The following ANKRD6 variants were observed in gnomAD, a reference collection of about 807,000 sequenced individuals.
ANKRD6 encodes ankyrin repeat domain-containing protein 6.
A neutral mutation model predicts 82.3 loss-of-function variants in ANKRD6; 56 were observed. The ratio of observed to expected loss-of-function variants is 0.68; its 90% CI spans 0.55 to 0.85. The LOEUF (loss-of-function observed/expected upper bound fraction) is 0.85, where lower values mean the gene tolerates loss of function less well. Ranked by LOEUF, ANKRD6 falls within the 40% of genes least tolerant of loss-of-function variation. The pLI, the probability that ANKRD6 is intolerant of heterozygous loss-of-function variation, is 0.00. For missense variants in ANKRD6, 852 were observed against 907.6 expected (o/e 0.94, Z 0.79); for synonymous variants, 347 against 352.1 (o/e 0.99, Z 0.16).
In ANKRD6 at chr6:89,446,366, A is replaced by T. The variant is rs191987193; in HGVS notation, c.-144+12991A>T. 2.5e-3 allele frequency among the ~76,000 whole-genome samples: 376 copies of T among 152,256 alleles called. 1 individual carries two copies. Among genetic ancestry groups the T allele is most frequent in the African/African-American group, 8.5e-3 (352 of 41,530 alleles). On this transcript the variant is annotated intron_variant, in intron 1 of 15. Coordinates refer to ENST00000339746, the MANE Select transcript of ANKRD6 (RefSeq NM_001242809.2). ...AAACTTTGTCTCTAAATAAATAAAT[A>T]AATAAATTAAATAAAATTAGGTGAA... is the stretch of plus-strand genomic sequence containing the variant.
rs1435020554 is a variant in ANKRD6 at position 89,488,330 on chromosome 6, G to A, written c.-144+54955G>A. ...CTGGGTGTAGTGGCACATGCCTGCAGTCCCAGCTACCTAGGAGGCTGAGGC... is the reference window on the plus strand; with the variant it reads ...CTGGGTGTAGTGGCACATGCCTGCAATCCCAGCTACCTAGGAGGCTGAGGC... On this transcript the variant is annotated intron_variant, in intron 1 of 15. Coordinates refer to ENST00000339746, the MANE Select transcript of ANKRD6 (RefSeq NM_001242809.2). Among the ~76,000 whole-genome samples the A allele has an allele frequency of 3.9e-5, 6 of 152,208 alleles. No individual in the cohort carries two copies. In the East Asian group the frequency reaches 1.2e-3, roughly 29 times the overall value.
At chr6:89,448,659 A>G (rs1360541472) in intron 1 of ANKRD6, among the ~76,000 whole-genome samples, 1 of 152,182 alleles carries the variant, frequency 6.6e-6, no homozygotes, top group Non-Finnish European at 1.5e-5. Context: ...AAGGAGATTA[A>G]TATTTTCATG....
chr6:89,567,173 T>C, intron 2 of ANKRD6, 77 bp downstream of exon 2: 1 of 1,522,520 alleles, frequency 6.6e-7, no homozygotes, highest in Admixed American at 2.1e-5. Context: ...AAAACTGCTG[T>C]GTTTGGTTCA....
intron 1 of ANKRD6, among the ~76,000 whole-genome samples, chr6:89,491,914 TCCAGTCTATTA>T (rs1778056417): frequency 6.6e-6 from 1 of 152,220 alleles, no homozygotes; most frequent in Non-Finnish European, 1.5e-5. Context: ...CTGTGTTTCC[TCCAGTCTATTA>T]CCATTAGATC....
chr6:89,461,489 A>G (rs1409543073), intron 1 of ANKRD6, among the ~76,000 whole-genome samples: 3 of 152,330 alleles, frequency 2.0e-5, no homozygotes, highest in East Asian at 3.9e-4. Flanking sequence ...TAAGAGATTC[A>G]TGGCTTTATG....
chr6:89,478,159 T>A (rs903684446), intron 1 of ANKRD6: 7 of 152,270 alleles, frequency 4.6e-5, no homozygotes, highest in African/African-American at 1.7e-4. Context: ...CGGTGGTTCA[T>A]GCCTGTAGTC....
intron 1 of ANKRD6, among the ~76,000 whole-genome samples, chr6:89,500,240 C>G (rs1336864711): frequency 6.6e-6 from 1 of 152,170 alleles, no homozygotes; most frequent in Admixed American, 6.5e-5. Context: ...AGCCCTGCCT[C>G]CCAGGAGAGA....
intron 1 of ANKRD6, among the ~76,000 whole-genome samples, chr6:89,503,834 G>A (rs1297704979): frequency 6.6e-6 from 1 of 152,152 alleles, no homozygotes; most frequent in Non-Finnish European, 1.5e-5. Flanking sequence ...CTTGTAGAGG[G>A]ACCATAGTGC....
intron 13 of ANKRD6, among the ~76,000 whole-genome samples, chr6:89,625,429 A>G (rs1464810843): frequency 6.6e-6 from 1 of 152,182 alleles, no homozygotes; most frequent in Admixed American, 6.5e-5. Flanking sequence ...TTTTATTTTA[A>G]AAGTTTTCAA....
intron 2 of ANKRD6, among the ~76,000 whole-genome samples, chr6:89,568,715 C>G (rs965850453): frequency 2.0e-5 from 3 of 151,984 alleles, no homozygotes; most frequent in Admixed American, 2.0e-4. Context: ...TCTCCTTCTC[C>G]CTGCTATGTG....
chr6:89,574,527 C>T (rs1790678480), intron 2 of ANKRD6, among the ~76,000 whole-genome samples: 1 of 152,160 alleles, frequency 6.6e-6, no homozygotes, highest in South Asian at 2.1e-4. Flanking sequence ...TCATCCAGTG[C>T]CTAGCAAGGT....
Position 89,624,691 on chromosome 6 carries a change from A to G in ANKRD6, c.1371A>G (p.Gln457=). 1 of 1,604,524 alleles carries G rather than the reference A, an allele frequency of 6.2e-7. No homozygotes were observed. The change falls in exon 13 of 16, where the codon CAA becomes CAG. Residue 457 remains glutamine (Q), a splice_region_variant and synonymous_variant. Coordinates refer to ENST00000339746, the MANE Select transcript of ANKRD6 (RefSeq NM_001242809.2). ...LGQMENKTQH[Q]MRVLDKLMVE... is the part of the protein sequence containing the mutation. Reference sequence around the variant, plus strand: ...AGATGGAGAATAAGACCCAGCACCAAGTATGTCATAAGGCCCAGCTTCCTA... The same window carrying G: ...AGATGGAGAATAAGACCCAGCACCAGGTATGTCATAAGGCCCAGCTTCCTA...
At chr6:89,549,300 G>T (rs1785503874) in intron 1 of ANKRD6, among the ~76,000 whole-genome samples, 1 of 152,148 alleles carries the variant, frequency 6.6e-6, no homozygotes, top group South Asian at 2.1e-4. Flanking sequence ...TAGGCCATGA[G>T]AGCTCTGCAC....
chr6:89,571,461 C>T (rs1014224229), intron 2 of ANKRD6, among the ~76,000 whole-genome samples: 4 of 152,082 alleles, frequency 2.6e-5, no homozygotes, highest in African/African-American at 9.7e-5. Flanking sequence ...GGAGAAATGG[C>T]TATTCAAGTC....
chr6:89,549,944 A>T (rs1389287903), intron 1 of ANKRD6, among the ~76,000 whole-genome samples: 3 of 152,164 alleles, frequency 2.0e-5, no homozygotes, highest in Admixed American at 2.0e-4. Flanking sequence ...AAAGAAAAAA[A>T]AATTAGCCAG....
chr6:89,453,309 G>A (rs1773081447), intron 1 of ANKRD6, among the ~76,000 whole-genome samples: 1 of 152,094 alleles, frequency 6.6e-6, no homozygotes, highest in Non-Finnish European at 1.5e-5. Context: ...TTTACTCTCT[G>A]TTATAATTGT....
intron 1 of ANKRD6, among the ~76,000 whole-genome samples, chr6:89,437,660 A>G (rs1199803653): frequency 6.6e-6 from 1 of 152,222 alleles, no homozygotes; most frequent in Non-Finnish European, 1.5e-5. Context: ...TTCTAAATAT[A>G]GCATACAATA....
rs1472105164 is a variant in ANKRD6 at position 89,631,439 on chromosome 6, A to G, written c.*435A>G. On this transcript the variant is annotated 3_prime_UTR_variant, in exon 16 of 16. Transcript: ENST00000339746. Reference sequence around the variant, plus strand: ...TTGAACACACCTGCTGTGCCTAGACAAGTGTCTTTCTGTAAGAGCTGTAAC... The same window carrying G: ...TTGAACACACCTGCTGTGCCTAGACGAGTGTCTTTCTGTAAGAGCTGTAAC... The G allele has an allele frequency of 1.3e-5, 2 of 153,604 alleles. No homozygotes were observed. The highest frequency in any genetic ancestry group is 4.8e-5 in the African/African-American group (2 of 41,464). The allele number at this position is 153,604 out of a possible 1,614,324, so 9.5% of individuals were successfully genotyped here. A position where few individuals can be genotyped will look rare whatever the true frequency, so the allele number is the denominator to read the frequency against.
chr6:89,590,083 G>T (rs1044084681), intron 2 of ANKRD6, among the ~76,000 whole-genome samples: 14 of 152,298 alleles, frequency 9.2e-5, no homozygotes, highest in African/African-American at 3.4e-4. Flanking sequence ...AGTTGTATTG[G>T]GTTGTGGAAT....
Sources: allele counts gnomAD v4.1 joint callset (sites outside exome capture counted in the v4.1 genomes callset), GRCh38; gene constraint gnomAD v4.1.1; transcripts MANE v1.5; gene names NCBI Gene and HGNC (gene_info 2026-07-23, HGNC 2026-07-21).